Variants in SLC5A8 observed in about 807,000 individuals in gnomAD.
SLC5A8 encodes the protein sodium-coupled monocarboxylate transporter 1.
A neutral mutation model predicts 71.9 loss-of-function variants in SLC5A8; 55 were observed. That is an observed-to-expected ratio of 0.77 (90% CI 0.62 to 0.96). The LOEUF is 0.96. Among genes scored for constraint, SLC5A8 ranks in the 40% least tolerant of loss-of-function variants. The pLI is 0.00. For missense variants in SLC5A8, 701 were observed against 745.3 expected, an observed-to-expected ratio of 0.94 and a Z score of 0.69; for synonymous variants, 307 against 276.1, an observed-to-expected ratio of 1.11 and a Z score of -1.11.
chr12:101,160,623 C>T lies in SLC5A8; in HGVS notation c.1630+1351G>A, dbSNP rs551272248. ...GGAGCCCAGCATGTTTCACCAACTC[C>T]GCACTACCCCGGCCCCAGCACTGTG... On this transcript the variant is annotated intron_variant, in intron 13 of 14. Coordinates refer to ENST00000536262, the MANE Select transcript of SLC5A8 (RefSeq NM_145913.5). Among the ~76,000 whole-genome samples, 33 of 152,244 alleles carry T rather than the reference C, an allele frequency of 2.2e-4. No homozygotes were observed. In the South Asian group the frequency reaches 3.7e-3, roughly 17 times the overall value.
chr12:101,178,438 T>C (rs991243420), intron 10 of SLC5A8, among the ~76,000 whole-genome samples: 10 of 152,150 alleles, frequency 6.6e-5, no homozygotes, highest in Non-Finnish European at 1.0e-4. Flanking sequence ...AATCAAATTA[T>C]AAAGCTGTGT....
At chr12:101,199,749 T>C (rs1185545862) in intron 3 of SLC5A8, among the ~76,000 whole-genome samples, 1 of 151,690 alleles carries the variant, frequency 6.6e-6, no homozygotes, top group African/African-American at 2.4e-5. Flanking sequence ...TTTGGCAATT[T>C]CTTGTAAATT....
chr12:101,174,000 T>C (rs181206819), intron 10 of SLC5A8, among the ~76,000 whole-genome samples: 2 of 152,134 alleles, frequency 1.3e-5, no homozygotes, highest in Non-Finnish European at 2.9e-5. Context: ...AGGTTTTTCA[T>C]GGTGGCAATT....
chr12:101,193,911 G>T, intron 4 of SLC5A8, 132 bp from the exon 5 acceptor site: 1 of 863,876 alleles, frequency 1.2e-6, no homozygotes, highest in Non-Finnish European at 1.7e-6. Context: ...AAGGGAAACA[G>T]TCAGGTTGGG....
chr12:101,182,672 T>C (rs1593372829), intron 9 of SLC5A8, 131 bp downstream of exon 9: 1 of 606,156 alleles, frequency 1.6e-6, no homozygotes. Flanking sequence ...TGCATTGTCA[T>C]AGGCATACAT....
intron 9 of SLC5A8, among the ~76,000 whole-genome samples, chr12:101,181,055 T>G (rs1480823983): frequency 2.0e-5 from 3 of 152,202 alleles, no homozygotes; most frequent in Non-Finnish European, 4.4e-5. Flanking sequence ...TGATATAATT[T>G]CCCAAATGCA....
At chr12:101,164,731 C>T (rs2654993) in intron 12 of SLC5A8, among the ~76,000 whole-genome samples, 9,338 of 152,264 alleles carry the variant, frequency 0.061, 402 homozygotes, top group South Asian at 0.092. Flanking sequence ...TTCCTTGACT[C>T]CAGTCAGGCA....
At position 101,195,094 on chromosome 12, in the gene SLC5A8, C is replaced by CCAG. The variant is rs1270144453; in HGVS notation, c.535_537dup (p.Leu179dup). ...AAAAGGGAAATATGTCCTGGACGTA[C>CCAG]CAGTGTGCAGTAGAATGTGCAGACC... is the stretch of plus-strand genomic sequence containing the variant. On this transcript the variant is annotated inframe_insertion and splice_region_variant. Transcript: ENST00000536262. The CCAG allele has an allele frequency of 1.2e-6, 2 of 1,614,042 alleles. No homozygotes were observed. The highest frequency in any genetic ancestry group is 2.2e-5 in the South Asian group (2 of 91,048).
At chr12:101,195,241 A>G in intron 3 of SLC5A8, 79 bp from the exon 4 acceptor site, 1 of 1,479,100 alleles carries the variant, frequency 6.8e-7, no homozygotes, top group South Asian at 1.2e-5. Context: ...TCAGAGAAGG[A>G]AGCTATATCA....
At chr12:101,179,367 T>G (rs113578440) in intron 10 of SLC5A8, among the ~76,000 whole-genome samples, 1,664 of 152,332 alleles carry the variant, frequency 0.011, 18 homozygotes, top group South Asian at 0.029. Context: ...CAGATTTGTT[T>G]GTAATACTCA....
chr12:101,181,399 T>C (rs2051932082), intron 9 of SLC5A8, among the ~76,000 whole-genome samples: 1 of 152,222 alleles, frequency 6.6e-6, no homozygotes, highest in African/African-American at 2.4e-5. Context: ...CTCTATGTCC[T>C]TACTGCATAT....
intron 3 of SLC5A8, among the ~76,000 whole-genome samples, 159 bp from the exon 4 acceptor site, chr12:101,195,321 C>T (rs960643912): frequency 6.6e-6 from 1 of 152,164 alleles, no homozygotes; most frequent in African/African-American, 2.4e-5. Flanking sequence ...ATAAATGTCT[C>T]AAAAACAAAT....
At chr12:101,167,527 A>G (rs530284242) in intron 11 of SLC5A8, among the ~76,000 whole-genome samples, 2 of 152,344 alleles carry the variant, frequency 1.3e-5, no homozygotes, top group African/African-American at 4.8e-5. Flanking sequence ...TATTCCAAAC[A>G]AAAGTTAGCA....
chr12:101,176,100 A>T (rs1407158216), intron 10 of SLC5A8, among the ~76,000 whole-genome samples: 3 of 152,046 alleles, frequency 2.0e-5, no homozygotes, highest in Admixed American at 6.5e-5. Context: ...GCTGTCTACA[A>T]AAAAACTCAC....
In SLC5A8 at chr12:101,204,567, T is replaced by G. The variant is rs745966285; in HGVS notation, c.352-2A>C. 1 of 1,580,030 alleles carries G rather than the reference T, an allele frequency of 6.3e-7. No homozygotes were observed. The highest frequency in any genetic ancestry group is 1.9e-5 in the Admixed American group (1 of 53,498). The stretch of plus-strand genomic sequence containing the variant: ...TTTGTTAAATCGAAGTTCTAAATAC[T>G]GTTGCAAAAAAAAAAATTATGCGAA... On this transcript the variant is annotated splice_acceptor_variant, in intron 1 of 14. Coordinates refer to ENST00000536262, the MANE Select transcript of SLC5A8 (RefSeq NM_145913.5). LOFTEE classifies it high-confidence loss of function.
intron 13 of SLC5A8, among the ~76,000 whole-genome samples, chr12:101,161,181 T>C (rs1338665483): frequency 1.4e-5 from 2 of 143,182 alleles, no homozygotes; most frequent in African/African-American, 2.5e-5. Flanking sequence ...ATAAGATAGA[T>C]TAAATAATTT....
chr12:101,188,115 T>C (rs1868736687), intron 6 of SLC5A8, among the ~76,000 whole-genome samples: 1 of 152,214 alleles, frequency 6.6e-6, no homozygotes, highest in Non-Finnish European at 1.5e-5. Context: ...GCATAAATCC[T>C]GGCTGTACCA....
chr12:101,183,035 CTTTTT>C (rs34182928), intron 8 of SLC5A8, 120 bp from the exon 9 acceptor site: 148 of 74,496 alleles, frequency 2.0e-3, no homozygotes, highest in Middle Eastern at 8.2e-3. Flanking sequence ...TTCTACTATG[CTTTTT>C]TTTTTTTTTT....
chr12:101,162,148 T>C, intron 12 of SLC5A8, 71 bp from the exon 13 acceptor site: 2 of 961,108 alleles, frequency 2.1e-6, no homozygotes, highest in Non-Finnish European at 3.3e-6. Context: ...ATACCAGTGA[T>C]TCCCATGGCA....
Sources: gnomAD v4.1 joint callset for allele counts (sites outside exome capture counted in the v4.1 genomes callset) on GRCh38, gnomAD v4.1.1 for gene constraint, MANE v1.5 for transcripts, NCBI Gene and HGNC (gene_info 2026-07-23, HGNC 2026-07-21) for gene names.